RELN: variants seen among roughly 807,000 people sequenced by gnomAD.
The protein encoded by RELN is reelin.
In RELN, 108 loss-of-function variants were observed where a neutral mutation model predicts 427.6. The observed-to-expected ratio is 0.25, with a 90% CI of 0.22 to 0.30. RELN has a LOEUF of 0.30. Ranked by LOEUF, RELN falls within the 10% of genes least tolerant of loss-of-function variation. RELN has a pLI of 1.00. For synonymous variants in RELN, 1,524 were observed against 1,513.4 expected (o/e 1.01, Z -0.16); for missense variants, 3,715 against 4,302.8 (o/e 0.86, Z 3.82).
chr7:103,655,434 AAAC>A (rs1268790363), intron 12 of RELN, among the ~76,000 whole-genome samples: 1 of 152,104 alleles, frequency 6.6e-6, no homozygotes, highest in Non-Finnish European at 1.5e-5. Flanking sequence ...GGTGACAGTA[AAAC>A]AACATCAACA....
chr7:103,780,019 C>T (rs1791846965), intron 3 of RELN, among the ~76,000 whole-genome samples: 1 of 152,228 alleles, frequency 6.6e-6, no homozygotes, highest in African/African-American at 2.4e-5. Flanking sequence ...AGCGACCACA[C>T]CCGGCCCAGG....
chr7:103,880,955 A>G (rs1262576404), intron 2 of RELN, among the ~76,000 whole-genome samples: 1 of 152,132 alleles, frequency 6.6e-6, no homozygotes, highest in Non-Finnish European at 1.5e-5. Context: ...CTTGGCTTCC[A>G]AGTGCTGGAG....
At chr7:103,655,742 G>T (rs922205755) in intron 12 of RELN, among the ~76,000 whole-genome samples, 2 of 152,082 alleles carry the variant, frequency 1.3e-5, no homozygotes, top group African/African-American at 4.8e-5. Context: ...CATACACTGG[G>T]TAGGAATAGA....
chr7:103,763,714 T>G (rs1396338092), intron 4 of RELN, among the ~76,000 whole-genome samples: 1 of 151,738 alleles, frequency 6.6e-6, no homozygotes, highest in Admixed American at 6.6e-5. Flanking sequence ...AAATAAAGAG[T>G]CTGGTGTCAG....
At position 103,513,845 on chromosome 7, in the gene RELN, TAAA is replaced by T. The variant is rs529885962; in HGVS notation, c.8119+1337_8119+1339del. The stretch of plus-strand genomic sequence containing the variant: ...TAAAAATATGTTTATGTAAATGCGC[TAAA>T]AAAAGTTCTTTAAGAATATATGCCA... On this transcript the variant is annotated intron_variant, in intron 50 of 64. Transcript: ENST00000428762. 4 of 152,260 alleles carry T rather than the reference TAAA, an allele frequency of 2.6e-5. No homozygotes were observed. In the South Asian group the frequency reaches 8.3e-4, roughly 32 times the overall value. 9.4% of individuals were successfully genotyped at this position (152,260 alleles called of 1,614,324 possible). A position where few individuals can be genotyped will look rare whatever the true frequency, so the allele number is the denominator to read the frequency against.
chr7:103,975,034 C>T (rs12672677), intron 1 of RELN, among the ~76,000 whole-genome samples: 24,393 of 152,184 alleles, frequency 0.16, 2,014 homozygotes, highest in Middle Eastern at 0.29. Flanking sequence ...TTTGCATATT[C>T]TCACAGAAGA....
chr7:103,542,983 G>A, intron 42 of RELN, 105 bp from the exon 43 acceptor site: 1 of 1,131,512 alleles, frequency 8.8e-7, no homozygotes, highest in South Asian at 1.4e-5. Context: ...TTCAAAATAT[G>A]AAGTCATAAA....
intron 46 of RELN, among the ~76,000 whole-genome samples, chr7:103,534,813 C>A (rs867629966): frequency 1.1e-4 from 17 of 152,108 alleles, no homozygotes; most frequent in Middle Eastern, 3.2e-3. Flanking sequence ...TAAAATAATG[C>A]TTCAGGTGAT....
intron 2 of RELN, among the ~76,000 whole-genome samples, chr7:103,912,656 G>T (rs1795396013): frequency 6.6e-6 from 1 of 152,016 alleles, no homozygotes; most frequent in Non-Finnish European, 1.5e-5. Context: ...TTTATGGAAG[G>T]TCTAACAATT....
intron 15 of RELN, 32 bp downstream of exon 15, chr7:103,651,629 G>A: frequency 1.2e-6 from 2 of 1,600,394 alleles, no homozygotes; most frequent in South Asian, 1.1e-5. Flanking sequence ...ATGGATTCAA[G>A]TATTTCAATA....
At chr7:103,559,389 T>C (rs981515677) in intron 36 of RELN, among the ~76,000 whole-genome samples, 3 of 152,228 alleles carry the variant, frequency 2.0e-5, no homozygotes, top group African/African-American at 7.2e-5. Context: ...TCACAAAGCA[T>C]AGATTCATAC....
rs1238259325 is a variant in RELN at position 103,500,829 on chromosome 7, C to T, written c.8583G>A (p.Arg2861=). Reference sequence around the variant, plus strand: ...GTTCCCTTAAGCAATCTCCATGGCCCCTGCAGTTGTCCAAGCATCCAGGGC... The same window carrying T: ...GTTCCCTTAAGCAATCTCCATGGCCTCTGCAGTTGTCCAAGCATCCAGGGC... ...YLGPGCLDNC[R]GHGDCLREQC... is the part of the protein sequence containing the mutation. Residue 2861 remains arginine, a synonymous_variant, in exon 53 of 65, where the codon AGG becomes AGA. Coordinates refer to ENST00000428762, the MANE Select transcript of RELN (RefSeq NM_005045.4). 1 of 1,614,096 alleles carries T rather than the reference C, an allele frequency of 6.2e-7. No homozygotes were observed. The highest frequency in any genetic ancestry group is 1.7e-5 in the Admixed American group (1 of 60,006).
chr7:103,700,847 A>G lies in RELN; in HGVS notation c.902+63T>C, dbSNP rs1465681143. 5 of 983,650 alleles carry G rather than the reference A, an allele frequency of 5.1e-6. No homozygotes were observed. In the East Asian group the frequency reaches 9.5e-5, roughly 19 times the overall value. The allele number at this position is 983,650 out of a possible 1,614,324, so 60.9% of individuals were successfully genotyped here. A position where few individuals can be genotyped will look rare whatever the true frequency, so the allele number is the denominator to read the frequency against. The stretch of plus-strand genomic sequence containing the variant: ...AAAAAGTTAGTGGTGGATTGAAGGC[A>G]TATAGGAGAGTAGAACTCCATCTAT... On this transcript the variant is annotated intron_variant, in intron 9 of 64. Coordinates refer to ENST00000428762, the MANE Select transcript of RELN (RefSeq NM_005045.4).
chr7:103,911,376 A>G (rs1454138685), intron 2 of RELN, among the ~76,000 whole-genome samples: 1 of 147,434 alleles, frequency 6.8e-6, no homozygotes, highest in Non-Finnish European at 1.5e-5. Context: ...GAGGATGTGG[A>G]GAAATAGGAA....
intron 11 of RELN, among the ~76,000 whole-genome samples, chr7:103,664,422 G>A (rs1833212772): frequency 6.6e-6 from 1 of 152,136 alleles, no homozygotes; most frequent in Non-Finnish European, 1.5e-5. Flanking sequence ...AATCACAGGT[G>A]CACCAGCTTT....
At chr7:103,929,863 A>G (rs1051893197) in intron 1 of RELN, among the ~76,000 whole-genome samples, 15 of 152,252 alleles carry the variant, frequency 9.9e-5, no homozygotes, top group Non-Finnish European at 8.8e-5. Flanking sequence ...CGGCAACTCA[A>G]AAGTTTTCAC....
In RELN at chr7:103,776,551, G is replaced by T. The variant is rs537314807; in HGVS notation, c.544+6C>A. 1 of 1,613,920 alleles carries T rather than the reference G, an allele frequency of 6.2e-7. No homozygotes were observed. The highest frequency in any genetic ancestry group is 8.5e-7 in the Non-Finnish European group (1 of 1,179,842). On this transcript the variant is annotated splice_donor_region_variant and intron_variant, in intron 4 of 64. Transcript: ENST00000428762. ...ATAACACAAACAAATCAAATGTGAC[G>T]CTTACCTCCTTGTTCACACAACTGC...
At chr7:103,498,278 GT>G in intron 53 of RELN, 26 bp from the exon 54 acceptor site, 2 of 1,603,510 alleles carry the variant, frequency 1.2e-6, no homozygotes, top group Non-Finnish European at 1.7e-6. Context: ...GCCAGATGTG[GT>G]TAAAAAAACA....
chr7:103,630,735 A>G (rs879656469), intron 19 of RELN, among the ~76,000 whole-genome samples: 6 of 152,182 alleles, frequency 3.9e-5, no homozygotes, highest in African/African-American at 7.2e-5. Flanking sequence ...GCATCCATAC[A>G]CAGGTGAGAT....
Sources: allele counts gnomAD v4.1 joint callset (sites outside exome capture counted in the v4.1 genomes callset), GRCh38; gene constraint gnomAD v4.1.1; transcripts MANE v1.5; gene names NCBI Gene and HGNC (gene_info 2026-07-23, HGNC 2026-07-21).